CASR: variants seen among roughly 807,000 people sequenced by gnomAD.
CASR encodes extracellular calcium-sensing receptor.
A neutral mutation model predicts 69.1 loss-of-function variants in CASR; 23 were observed. That is an observed-to-expected ratio of 0.33 (90% CI 0.24 to 0.47). CASR has a LOEUF of 0.47. Among genes scored for constraint, CASR ranks in the 20% least tolerant of loss-of-function variants. The probability of loss-of-function intolerance (pLI) is 1.00; values close to 1 mark genes in which losing one functional copy is unlikely to be tolerated. For missense variants in CASR, 924 were observed against 1,356.1 expected (o/e 0.68, Z 5.00); for synonymous variants, 541 against 544.7 (o/e 0.99, Z 0.10).
At chr3:122,203,873 T>A (rs2073981079) in intron 1 of CASR, among the ~76,000 whole-genome samples, 1 of 152,242 alleles carries the variant, frequency 6.6e-6, no homozygotes, top group African/African-American at 2.4e-5. Flanking sequence ...TATGACTATA[T>A]TTAGATTTTC....
intron 5 of CASR, among the ~76,000 whole-genome samples, chr3:122,278,334 G>T (rs1390970741): frequency 6.6e-6 from 1 of 152,164 alleles, no homozygotes; most frequent in Non-Finnish European, 1.5e-5. Context: ...GAGGTTTTAG[G>T]ATGCAAAGGT....
At chr3:122,185,563 A>G (rs758637545) in intron 1 of CASR, among the ~76,000 whole-genome samples, 7 of 152,250 alleles carry the variant, frequency 4.6e-5, no homozygotes, top group African/African-American at 1.4e-4. Context: ...CAGTTTAGGT[A>G]GTCTGTTACT....
chr3:122,236,372 G>A (rs187731177), intron 1 of CASR, among the ~76,000 whole-genome samples: 110 of 152,256 alleles, frequency 7.2e-4, no homozygotes, highest in Non-Finnish European at 1.2e-3. Context: ...TGATTCTTCC[G>A]GGCAAAGCTG....
intron 5 of CASR, among the ~76,000 whole-genome samples, chr3:122,280,912 T>C (rs1251205410): frequency 6.6e-6 from 1 of 152,248 alleles, no homozygotes; most frequent in Admixed American, 6.5e-5. Context: ...AAGTGCTCTC[T>C]ACCTCTAAGA....
chr3:122,194,423 G>T (rs1380975316), intron 1 of CASR, among the ~76,000 whole-genome samples: 2 of 151,624 alleles, frequency 1.3e-5, no homozygotes, highest in African/African-American at 4.9e-5. Flanking sequence ...CTTCACCCCC[G>T]CACTTTCTAC....
intron 1 of CASR, among the ~76,000 whole-genome samples, chr3:122,230,506 G>A (rs570552505): frequency 6.6e-6 from 1 of 152,298 alleles, no homozygotes; most frequent in Admixed American, 6.5e-5. Flanking sequence ...TTCCCTGAGG[G>A]GCTTCCCCTC....
chr3:122,203,263 C>T (rs2073975113), intron 1 of CASR, among the ~76,000 whole-genome samples: 1 of 152,186 alleles, frequency 6.6e-6, no homozygotes, highest in Non-Finnish European at 1.5e-5. Flanking sequence ...TTGAGCCTTC[C>T]TATCTGTATG....
intron 5 of CASR, among the ~76,000 whole-genome samples, chr3:122,278,822 G>T (rs1245082121): frequency 6.6e-6 from 1 of 152,200 alleles, no homozygotes; most frequent in South Asian, 2.1e-4. Context: ...GTGACCTTCA[G>T]CCTGTTCCTT....
At chr3:122,235,041 G>A (rs958485842) in intron 1 of CASR, among the ~76,000 whole-genome samples, 9 of 152,166 alleles carry the variant, frequency 5.9e-5, no homozygotes, top group South Asian at 2.1e-4. Flanking sequence ...GAAAGGGCTC[G>A]CAGGAGAGTA....
At chr3:122,269,781 T>C (rs1310167760) in intron 4 of CASR, among the ~76,000 whole-genome samples, 1 of 152,214 alleles carries the variant, frequency 6.6e-6, no homozygotes, top group Non-Finnish European at 1.5e-5. Context: ...GTATTAATTC[T>C]TCCTTAAATC....
chr3:122,280,673 T>C (rs2074877801), intron 5 of CASR, among the ~76,000 whole-genome samples: 1 of 152,220 alleles, frequency 6.6e-6, no homozygotes, highest in South Asian at 2.1e-4. Flanking sequence ...CATTAGAAGA[T>C]AATGTCAATC....
In CASR at chr3:122,284,966, C is replaced by T. The variant is rs1249991104; in HGVS notation, c.3012C>T (p.Ser1004=). The T allele has an allele frequency of 6.2e-7, 1 of 1,614,074 alleles. No homozygotes were observed. The highest frequency in any genetic ancestry group is 2.2e-5 in the East Asian group (1 of 44,892). The change falls in exon 7 of 7, where the codon AGC becomes AGT. Residue 1004 remains serine, a synonymous_variant. Transcript: ENST00000639785. ...ACTCCCTGGAGGCCCAGAAAAGCAG[C>T]GATACGCTGACCCGACACGAGCCAT... ...HQNSLEAQKS[S]DTLTRHEPLL...
intron 4 of CASR, among the ~76,000 whole-genome samples, chr3:122,270,201 A>T (rs868326549): frequency 6.6e-6 from 1 of 152,278 alleles, no homozygotes; most frequent in Admixed American, 6.5e-5. Context: ...CTATTTAGGT[A>T]TATATGAGTC....
intron 1 of CASR, among the ~76,000 whole-genome samples, chr3:122,186,522 A>G (rs2073785395): frequency 6.6e-6 from 1 of 152,276 alleles, no homozygotes; most frequent in Non-Finnish European, 1.5e-5. Context: ...GTGCCTGGCT[A>G]TGTGCCAGTC....
chr3:122,227,593 C>G (rs1346161913), intron 1 of CASR, among the ~76,000 whole-genome samples: 1 of 152,216 alleles, frequency 6.6e-6, no homozygotes, highest in Non-Finnish European at 1.5e-5. Flanking sequence ...CGAACAGGCT[C>G]TAGCCTTGGC....
rs2074998611 is a variant in CASR at position 122,290,003 on chromosome 3, AG to A, written c.*4813del. On this transcript the variant is annotated 3_prime_UTR_variant, in exon 7 of 7. Transcript: ENST00000639785. Reference sequence around the variant, plus strand: ...AGGCTGAGGTGGGGGGATCTGCTTGAGCCCAGGAGGTGAAGGCTGCATTGAG... The same window carrying A: ...AGGCTGAGGTGGGGGGATCTGCTTGACCCAGGAGGTGAAGGCTGCATTGAG... The A allele has an allele frequency of 6.6e-6, 1 of 150,626 alleles. No individual in the cohort carries two copies. The highest frequency in any genetic ancestry group is 1.5e-5 in the Non-Finnish European group (1 of 67,904). 9.3% of individuals were successfully genotyped at this position (150,626 alleles called of 1,614,324 possible). A position where few individuals can be genotyped will look rare whatever the true frequency, so the allele number is the denominator to read the frequency against.
intron 6 of CASR, among the ~76,000 whole-genome samples, chr3:122,283,395 C>G (rs1207305892): frequency 6.6e-6 from 1 of 152,196 alleles, no homozygotes. Context: ...TTGATCATTC[C>G]CTGCCATCAG....
chr3:122,194,423 G>A (rs1380975316), intron 1 of CASR, among the ~76,000 whole-genome samples: 8 of 151,624 alleles, frequency 5.3e-5, no homozygotes, highest in Non-Finnish European at 8.8e-5. Flanking sequence ...CTTCACCCCC[G>A]CACTTTCTAC....
chr3:122,248,838 G>A (rs115618067), intron 1 of CASR, among the ~76,000 whole-genome samples: 1 of 152,188 alleles, frequency 6.6e-6, no homozygotes. Flanking sequence ...AAATGTGGCA[G>A]TGTTCACTCC....
Sources: allele counts gnomAD v4.1 joint callset (sites outside exome capture counted in the v4.1 genomes callset), GRCh38; gene constraint gnomAD v4.1.1; transcripts MANE v1.5; gene names NCBI Gene and HGNC (gene_info 2026-07-23, HGNC 2026-07-21).